STAB2: variants seen among roughly 807,000 people sequenced by gnomAD.
STAB2 encodes stabilin 2.
Under a neutral mutation model 338.1 loss-of-function variants are expected in STAB2, and 288 were observed. The ratio of observed to expected loss-of-function variants is 0.85; its 90% CI spans 0.77 to 0.94. The LOEUF (loss-of-function observed/expected upper bound fraction) is 0.94. Ranked by LOEUF, STAB2 falls within the 40% of genes least tolerant of loss-of-function variation. The pLI is 0.00. For missense variants in STAB2, 3,141 were observed against 3,210.1 expected (o/e 0.98, Z 0.52); for synonymous variants, 1,202 against 1,193.3 (o/e 1.01, Z -0.15).
intron 3 of STAB2, among the ~76,000 whole-genome samples, chr12:103,605,397 T>G (rs1957012392): frequency 6.8e-6 from 1 of 147,186 alleles, no homozygotes; most frequent in African/African-American, 2.6e-5. Context: ...TCTGCCACCT[T>G]TAGATGCCGT....
chr12:103,603,183 G>C (rs539977578), intron 3 of STAB2, among the ~76,000 whole-genome samples: 3 of 152,210 alleles, frequency 2.0e-5, no homozygotes, highest in South Asian at 2.1e-4. Context: ...CCATTCTCCT[G>C]TCTCAGCCTC....
intron 5 of STAB2, among the ~76,000 whole-genome samples, chr12:103,624,343 C>T (rs1377292634): frequency 1.3e-5 from 2 of 152,150 alleles, no homozygotes; most frequent in African/African-American, 4.8e-5. Flanking sequence ...AATTATCTAG[C>T]TTGCTCCAGT....
chr12:103,762,530 G>A, intron 67 of STAB2, 128 bp downstream of exon 67: 1 of 1,442,840 alleles, frequency 6.9e-7, no homozygotes, highest in Non-Finnish European at 9.5e-7. Context: ...ACAGTAGCAG[G>A]GGCGGCCACC....
chr12:103,637,243 A>G lies in STAB2; in HGVS notation c.709+7A>G. On this transcript the variant is annotated splice_region_variant and intron_variant, in intron 7 of 68. Transcript: ENST00000388887. Reference sequence around the variant, plus strand: ...GATGGCAAATACTGCGACCGTGAGTAGAATTTAGATTCTGCTAGTTTATTC... The same window carrying G: ...GATGGCAAATACTGCGACCGTGAGTGGAATTTAGATTCTGCTAGTTTATTC... 1 of 1,608,866 alleles carries G rather than the reference A, an allele frequency of 6.2e-7. No individual in the cohort carries two copies. Among genetic ancestry groups the G allele is most frequent in the African/African-American group, 1.3e-5 (1 of 74,736 alleles).
rs753264970 is a variant in STAB2, at chr12:103,695,750, C to T, written c.3488C>T (p.Ala1163Val). The stretch of plus-strand genomic sequence containing the variant: ...TTTCCATCGCAGCAATATAATCTGG[C>T]GAATGCAATTGAGGCTGCCGATGCC... Reference protein sequence around the residue: ...FRGYIIQYNLANAIEAADAYT... With the variant: ...FRGYIIQYNLVNAIEAADAYT... The change falls in exon 33 of 69, where the codon GCG (alanine) becomes GTG (valine). Residue 1163 changes from alanine (A) to valine (V), a missense_variant. Physicochemically the swap from Ala to Val is moderately conservative, Grantham distance 64. Transcript: ENST00000388887. The T allele has an allele frequency of 4.2e-5, 68 of 1,613,804 alleles. No homozygotes were observed. In the East Asian group the frequency reaches 8.0e-4, roughly 19 times the overall value.
intron 3 of STAB2, among the ~76,000 whole-genome samples, chr12:103,596,944 CCCT>C (rs1956883957): frequency 9.9e-6 from 1 of 101,204 alleles, no homozygotes; most frequent in Non-Finnish European, 1.8e-5. Context: ...TAGAGTGAGA[CCCT>C]ATCTCAAAAA....
At chr12:103,704,840 A>G (rs927744257) in intron 36 of STAB2, 3 of 427,800 alleles carry the variant, frequency 7.0e-6, no homozygotes, top group African/African-American at 6.2e-5. Flanking sequence ...ATCAACAGAC[A>G]GGACAGAAAT....
chr12:103,761,802 G>T (rs1055261497), intron 66 of STAB2, among the ~76,000 whole-genome samples: 15 of 152,194 alleles, frequency 9.9e-5, no homozygotes, highest in African/African-American at 3.6e-4. Context: ...GGGAAGGATT[G>T]TAAGTTAGAA....
chr12:103,726,894 C>T (rs186472661), intron 46 of STAB2, among the ~76,000 whole-genome samples: 14 of 152,006 alleles, frequency 9.2e-5, no homozygotes, highest in Admixed American at 3.9e-4. Flanking sequence ...TATCAACTCA[C>T]GTTTTATGTT....
chr12:103,721,873 G>A (rs1044667888), intron 44 of STAB2, among the ~76,000 whole-genome samples: 1 of 152,084 alleles, frequency 6.6e-6, no homozygotes, highest in African/African-American at 2.4e-5. Context: ...TGATAGACTG[G>A]ATATGGGAAA....
chr12:103,690,490 G>A lies in STAB2; in HGVS notation c.3249G>A (p.Leu1083=). 1 of 1,614,076 alleles carries A rather than the reference G, an allele frequency of 6.2e-7. No homozygotes were observed. Among genetic ancestry groups the A allele is most frequent in the East Asian group, 2.2e-5 (1 of 44,888 alleles). ...DLQTLSSSDM[L]ATSLQGNFLH... ...AGACCCTGTCTTCTTCTGACATGTT[G>A]GCAACATCTTTGCAGGGCAACTTCC... Residue 1083 remains leucine (L), a synonymous_variant, in exon 30 of 69, where the codon TTG becomes TTA. Transcript: ENST00000388887.
chr12:103,714,349 A>T (rs186424212), intron 42 of STAB2, among the ~76,000 whole-genome samples: 26 of 152,354 alleles, frequency 1.7e-4, no homozygotes, highest in African/African-American at 6.0e-4. Flanking sequence ...GACATAGAAG[A>T]GTTATACAAA....
At chr12:103,696,035 A>G (rs888351416) in intron 33 of STAB2, among the ~76,000 whole-genome samples, 191 bp downstream of exon 33, 11 of 152,146 alleles carry the variant, frequency 7.2e-5, no homozygotes, top group African/African-American at 2.7e-4. Flanking sequence ...TGCTACTCAC[A>G]TGCCCCTGGA....
At chr12:103,606,565 T>C (rs188551010) in intron 3 of STAB2, among the ~76,000 whole-genome samples, 1 of 152,362 alleles carries the variant, frequency 6.6e-6, no homozygotes. Context: ...TTCGTATGTC[T>C]GAAAAAGTCC....
intron 50 of STAB2, 112 bp downstream of exon 50, chr12:103,731,747 T>TTTTG: frequency 9.5e-7 from 1 of 1,054,480 alleles, no homozygotes; most frequent in Non-Finnish European, 1.4e-6. Context: ...TGTTGTGGGA[T>TTTTG]CTGCATGGGG....
intron 54 of STAB2, 143 bp from the exon 55 acceptor site, chr12:103,740,487 T>TG: frequency 2.7e-6 from 3 of 1,119,986 alleles, no homozygotes; most frequent in East Asian, 3.0e-5. Context: ...AATATCACCT[T>TG]GGAAAAAAAA....
intron 51 of STAB2, 56 bp from the exon 52 acceptor site, chr12:103,735,434 GC>G: frequency 2.2e-6 from 3 of 1,348,590 alleles, no homozygotes; most frequent in Non-Finnish European, 3.0e-6. Context: ...GCTCCTTCGG[GC>G]CGTCCCTTCT....
Position 103,628,647 on chromosome 12 carries a change from G to T in STAB2, c.488-2951G>T, listed in dbSNP as rs12307028. On this transcript the variant is annotated intron_variant, in intron 5 of 68. Coordinates refer to ENST00000388887, the MANE Select transcript of STAB2 (RefSeq NM_017564.10). ...GTTGTGACAGTATCACTCCAATCTC[G>T]GCCTCCCTCTTCACATGCCTCTTCA... 4.3e-3 allele frequency among the ~76,000 whole-genome samples: 661 copies of T among 152,122 alleles called. 7 individuals carry two copies. Among genetic ancestry groups the T allele is most frequent in the African/African-American group, 0.015 (633 of 41,490 alleles).
intron 3 of STAB2, among the ~76,000 whole-genome samples, chr12:103,606,837 G>T (rs1957035516): frequency 6.6e-6 from 1 of 151,952 alleles, no homozygotes; most frequent in African/African-American, 2.4e-5. Flanking sequence ...ACAAAAAATT[G>T]GCTGGGCGTG....
Sources: allele counts gnomAD v4.1 joint callset (sites outside exome capture counted in the v4.1 genomes callset), GRCh38; gene constraint gnomAD v4.1.1; transcripts MANE v1.5; gene names NCBI Gene and HGNC (gene_info 2026-07-23, HGNC 2026-07-21).